Variants in FNTB observed in about 807,000 individuals in gnomAD.
FNTB encodes farnesyltransferase, CAAX box, subunit beta.
In FNTB, 27 loss-of-function variants were observed where a neutral mutation model predicts 59.4. The ratio of observed to expected loss-of-function variants is 0.45; its 90% CI spans 0.34 to 0.63. The LOEUF (loss-of-function observed/expected upper bound fraction) is 0.63. FNTB is among the 20% of genes least tolerant of loss of function. The pLI, the probability that FNTB is intolerant of heterozygous loss-of-function variation, is 0.02. For missense variants in FNTB, 449 were observed against 559.6 expected (o/e 0.80, Z 1.99); for synonymous variants, 230 against 220.7 (o/e 1.04, Z -0.37).
chr14:65,060,128 C>T (rs375218128), intron 11 of FNTB, among the ~76,000 whole-genome samples: 8 of 151,562 alleles, frequency 5.3e-5, no homozygotes, highest in East Asian at 1.9e-4. Flanking sequence ...CCACCGCGTC[C>T]GGCCCCCTTT....
In FNTB at chr14:65,062,588, C is replaced by G. The variant is rs992347160; in HGVS notation, c.*1276C>G. ...CTGGCCATTTGCTGCCTCTAATTCCCTTTTGCTTTGCCATATTGGGCTATG... is the reference window on the plus strand; with the variant it reads ...CTGGCCATTTGCTGCCTCTAATTCCGTTTTGCTTTGCCATATTGGGCTATG... On this transcript the variant is annotated 3_prime_UTR_variant, in exon 12 of 12. Coordinates refer to ENST00000246166, the MANE Select transcript of FNTB (RefSeq NM_002028.4). This position sits in a 1 kb window ranked among gnomAD's most constrained non-coding sequence, Gnocchi z 4.3. The G allele has an allele frequency of 6.5e-6, 1 of 152,698 alleles. No individual in the cohort carries two copies. Among genetic ancestry groups the G allele is most frequent in the Non-Finnish European group, 1.5e-5 (1 of 68,056 alleles). The allele number at this position is 152,698 out of a possible 1,614,324, so 9.5% of individuals were successfully genotyped here.
At chr14:65,034,991 G>C (rs2062157221) in intron 7 of FNTB, among the ~76,000 whole-genome samples, 1 of 152,254 alleles carries the variant, frequency 6.6e-6, no homozygotes, top group South Asian at 2.1e-4. Flanking sequence ...CACTCATGCA[G>C]CAGCTCAGAG....
At chr14:65,048,080 C>G (rs1184668104) in intron 9 of FNTB, among the ~76,000 whole-genome samples, 1 of 136,042 alleles carries the variant, frequency 7.4e-6, no homozygotes, top group Non-Finnish European at 1.5e-5. Context: ...CTCCTCGGTT[C>G]AATTGATTTT....
intron 1 of FNTB, among the ~76,000 whole-genome samples, chr14:64,988,074 T>C (rs1888023394): frequency 2.0e-5 from 3 of 152,360 alleles, no homozygotes; most frequent in South Asian, 4.1e-4. Flanking sequence ...GCCTGTACTT[T>C]GGCAAAATTA....
intron 4 of FNTB, among the ~76,000 whole-genome samples, chr14:65,018,286 C>T (rs1347259533): frequency 6.6e-6 from 1 of 152,156 alleles, no homozygotes; most frequent in Non-Finnish European, 1.5e-5. Context: ...GCCATGATGG[C>T]ACCACTGCAT....
intron 7 of FNTB, among the ~76,000 whole-genome samples, chr14:65,040,208 C>T (rs72728264): frequency 0.1 from 15,071 of 150,862 alleles, 1,000 homozygotes; most frequent in Admixed American, 0.17. Context: ...CTAGAATCAA[C>T]AATCACTCTT....
In FNTB at chr14:65,023,683, T is replaced by A. The variant is rs947664762; in HGVS notation, c.375-3770T>A. The stretch of plus-strand genomic sequence containing the variant: ...AGCTGAATTTTCTATTTTAATTAAT[T>A]GAGAATTTAAATTGCCTCATGTGGC... On this transcript the variant is annotated intron_variant, in intron 4 of 11. Coordinates refer to ENST00000246166, the MANE Select transcript of FNTB (RefSeq NM_002028.4). The surrounding 1 kb of genome is among the most constrained non-coding windows in gnomAD (Gnocchi z 4.1). Among the ~76,000 whole-genome samples the A allele has an allele frequency of 6.6e-6, 1 of 152,316 alleles. No homozygotes were observed. Among genetic ancestry groups the A allele is most frequent in the Admixed American group, 6.5e-5 (1 of 15,296 alleles).
In FNTB at chr14:65,026,726, A is replaced by G. The variant is rs528145806; in HGVS notation, c.375-727A>G. Among the ~76,000 whole-genome samples, 313 of 152,088 alleles carry G rather than the reference A, an allele frequency of 2.1e-3. 1 individual carries two copies. The highest frequency in any genetic ancestry group is 7.0e-3 in the African/African-American group (291 of 41,494). ...AAATACAAAAAATTGGCTGGGCGTG[A>G]TGGTGCACGCCTGTAATCCCAGCTA... On this transcript the variant is annotated intron_variant, in intron 4 of 11. Coordinates refer to ENST00000246166, the MANE Select transcript of FNTB (RefSeq NM_002028.4).
At chr14:65,045,897 A>G (rs1022787704) in intron 9 of FNTB, among the ~76,000 whole-genome samples, 1 of 152,232 alleles carries the variant, frequency 6.6e-6, no homozygotes, top group African/African-American at 2.4e-5. Flanking sequence ...GTGCACTGTC[A>G]GCAAGTGCAC....
chr14:65,051,367 T>C (rs971747430), intron 9 of FNTB, among the ~76,000 whole-genome samples: 2 of 152,236 alleles, frequency 1.3e-5, no homozygotes, highest in Non-Finnish European at 2.9e-5. Flanking sequence ...CCCAGTACTT[T>C]GGGAGGCCAA....
In FNTB at chr14:65,012,061, C is replaced by T. The variant is rs756067537; in HGVS notation, c.210-256C>T. 1 of 412,456 alleles carries T rather than the reference C, an allele frequency of 2.4e-6. No homozygotes were observed. 25.5% of individuals were successfully genotyped at this position (412,456 alleles called of 1,614,324 possible). ...CGGCTTTTCCGTTAGCCCAAAGTCA[C>T]TGCCTTTAGGAGACAATCGCACTCT... On this transcript the variant is annotated intron_variant, in intron 2 of 11. Coordinates refer to ENST00000246166, the MANE Select transcript of FNTB (RefSeq NM_002028.4). The surrounding 1 kb of genome is among the most constrained non-coding windows in gnomAD (Gnocchi z 5.0).
At chr14:64,988,456 T>C (rs1594976980) in intron 1 of FNTB, among the ~76,000 whole-genome samples, 2 of 150,600 alleles carry the variant, frequency 1.3e-5, no homozygotes, top group East Asian at 3.9e-4. Context: ...TTTTTTTTTT[T>C]TTTTTTTTGA....
chr14:65,053,094 G>A (rs551916971), intron 9 of FNTB, 144 bp from the exon 10 acceptor site: 301 of 509,634 alleles, frequency 5.9e-4, no homozygotes, highest in Non-Finnish European at 8.4e-4. Context: ...AGGACATGGG[G>A]AAGATAGCAG....
chr14:65,061,053 T>A, intron 11 of FNTB, 128 bp from the exon 12 acceptor site: 1 of 1,463,598 alleles, frequency 6.8e-7, no homozygotes, highest in South Asian at 1.4e-5. Flanking sequence ...TTTTGAACCT[T>A]TGGGCTTTGT....
At chr14:64,998,818 T>C (rs1888497759) in intron 1 of FNTB, among the ~76,000 whole-genome samples, 1 of 152,218 alleles carries the variant, frequency 6.6e-6, no homozygotes, top group Non-Finnish European at 1.5e-5. Context: ...CAAACAAGTT[T>C]AGCTTAGTTT....
At position 65,032,958 on chromosome 14, in the gene FNTB, C is replaced by T. The variant is rs532204886; in HGVS notation, c.692+262C>T. Reference sequence around the variant, plus strand: ...TAGTGAGAGCCTGAATTGATTTAACCAGTTTTTAGAGCAATTTGACAGTAT... The same window carrying T: ...TAGTGAGAGCCTGAATTGATTTAACTAGTTTTTAGAGCAATTTGACAGTAT... On this transcript the variant is annotated intron_variant, in intron 7 of 11. Transcript: ENST00000246166. This position sits in a 1 kb window ranked among gnomAD's most constrained non-coding sequence, Gnocchi z 5.0. 2.6e-5 allele frequency among the ~76,000 whole-genome samples: 4 copies of T among 152,070 alleles called. No individual in the cohort carries two copies. In the East Asian group the frequency reaches 7.7e-4, roughly 29 times the overall value.
In FNTB at chr14:64,990,521, TGAG is replaced by T. The variant is rs1180679127; in HGVS notation, c.144+3428_144+3430del. Among the ~76,000 whole-genome samples, 3 of 152,358 alleles carry T rather than the reference TGAG, an allele frequency of 2.0e-5. No individual in the cohort carries two copies. The highest frequency in any genetic ancestry group is 2.0e-4 in the Admixed American group (3 of 15,306). ...TCCATCCTTCACACCTTCAGGTCTA[TGAG>T]GAGTTCAGGTACCCCTGATTTACCA... On this transcript the variant is annotated intron_variant, in intron 1 of 11. Transcript: ENST00000246166. This position sits in a 1 kb window ranked among gnomAD's most constrained non-coding sequence, Gnocchi z 5.2.
At chr14:65,053,194 G>T in intron 9 of FNTB, 44 bp from the exon 10 acceptor site, 1 of 1,315,440 alleles carries the variant, frequency 7.6e-7, no homozygotes, top group South Asian at 2.4e-5. Flanking sequence ...ATTGATACTT[G>T]GCTGGATCTG....
At chr14:65,055,504 ATTTT>A (rs900695593) in intron 11 of FNTB, among the ~76,000 whole-genome samples, 1 of 151,334 alleles carries the variant, frequency 6.6e-6, no homozygotes, top group Non-Finnish European at 1.5e-5. Flanking sequence ...GTTTAAAAAA[ATTTT>A]TTTTTTAATT....
Sources: gnomAD v4.1 joint callset for allele counts (sites outside exome capture counted in the v4.1 genomes callset) on GRCh38, gnomAD v4.1.1 for gene constraint, Gnocchi (gnomAD v3.1) non-coding constraint, MANE v1.5 for transcripts, NCBI Gene and HGNC (gene_info 2026-07-23, HGNC 2026-07-21) for gene names.